Variants in PTPRD observed in about 807,000 individuals in gnomAD.
PTPRD encodes receptor-type tyrosine-protein phosphatase delta.
Under a neutral mutation model 214.5 loss-of-function variants are expected in PTPRD, and 34 were observed. That is an observed-to-expected ratio of 0.16 (90% CI 0.12 to 0.21). The LOEUF is 0.21. Ranked by LOEUF, PTPRD falls within the 10% of genes least tolerant of loss-of-function variation. The pLI is 1.00. For missense variants in PTPRD, 2,545 were observed against 2,398.7 expected (o/e 1.06, Z -1.27); for synonymous variants, 1,128 against 845.7 (o/e 1.33, Z -5.79).
At chr9:9,036,790 T>A (rs72692888) in intron 10 of PTPRD, among the ~76,000 whole-genome samples, 26,372 of 152,080 alleles carry the variant, frequency 0.17, 2,455 homozygotes, top group Admixed American at 0.23. Flanking sequence ...TCTCCCCTGA[T>A]ACATATATAT....
At chr9:10,518,741 C>T (rs1325252302) in intron 2 of PTPRD, among the ~76,000 whole-genome samples, 3 of 151,984 alleles carry the variant, frequency 2.0e-5, no homozygotes, top group Non-Finnish European at 2.9e-5. Flanking sequence ...ACCGTGTTAG[C>T]CAAGATGGTC....
At chr9:9,600,758 T>C (rs1292005322) in intron 7 of PTPRD, among the ~76,000 whole-genome samples, 2 of 152,172 alleles carry the variant, frequency 1.3e-5, no homozygotes, top group African/African-American at 2.4e-5. Flanking sequence ...CTTCCGATTT[T>C]ATTCACTGGA....
intron 43 of PTPRD, among the ~76,000 whole-genome samples, chr9:8,334,602 C>T (rs918405595): frequency 3.2e-5 from 4 of 124,586 alleles, no homozygotes; most frequent in East Asian, 2.1e-4. Context: ...GATCTAAAAT[C>T]GACACCCTAA....
chr9:9,990,810 G>A (rs1457879787), intron 4 of PTPRD, among the ~76,000 whole-genome samples: 1 of 152,102 alleles, frequency 6.6e-6, no homozygotes, highest in Non-Finnish European at 1.5e-5. Context: ...CATTAGAGAG[G>A]ATGTGCTCAC....
At chr9:9,316,209 T>C (rs1235325721) in intron 9 of PTPRD, among the ~76,000 whole-genome samples, 1 of 151,922 alleles carries the variant, frequency 6.6e-6, no homozygotes, top group East Asian at 1.9e-4. Context: ...AAAGCATGAT[T>C]CTCCACCCCT....
chr9:8,387,892 C>T (rs1039337), intron 37 of PTPRD, among the ~76,000 whole-genome samples: 25 of 151,986 alleles, frequency 1.6e-4, no homozygotes, highest in Non-Finnish European at 3.1e-4. Context: ...AAAGAAACTG[C>T]TTGATATATA....
intron 12 of PTPRD, among the ~76,000 whole-genome samples, chr9:8,663,997 T>C (rs2097122685): frequency 6.6e-6 from 1 of 152,144 alleles, no homozygotes; most frequent in Non-Finnish European, 1.5e-5. Flanking sequence ...TACAGATCTT[T>C]CCGGATGTCA....
chr9:9,431,196 C>A (rs550339223), intron 8 of PTPRD, among the ~76,000 whole-genome samples: 7 of 152,084 alleles, frequency 4.6e-5, no homozygotes, highest in African/African-American at 1.7e-4. Context: ...AGAACTTAAA[C>A]AAATTTACAA....
At chr9:8,495,661 T>G (rs975269381) in intron 26 of PTPRD, among the ~76,000 whole-genome samples, 1 of 152,230 alleles carries the variant, frequency 6.6e-6, no homozygotes, top group African/African-American at 2.4e-5. Flanking sequence ...CATGGTTCTA[T>G]AAAAATTTTA....
At chr9:10,504,935 G>C (rs916186093) in intron 2 of PTPRD, among the ~76,000 whole-genome samples, 2 of 152,262 alleles carry the variant, frequency 1.3e-5, no homozygotes, top group South Asian at 2.1e-4. Flanking sequence ...CTATAAAGCT[G>C]ACTTGTAACA....
At position 8,454,811 on chromosome 9, in the gene PTPRD, AGTGTGTGTGT is replaced by A. The variant is rs3043784; in HGVS notation, c.3876-4984_3876-4975del. On this transcript the variant is annotated intron_variant, in intron 33 of 45. Coordinates refer to ENST00000381196, the MANE Select transcript of PTPRD (RefSeq NM_002839.4). ...CATGAAGTTACATCACTGAATACAT[AGTGTGTGTGT>A]GTGTGTGTGTGTGTGTGTGTGTGTG... 2.7e-3 allele frequency among the ~76,000 whole-genome samples: 396 copies of A among 148,732 alleles called. 1 individual carries two copies. Among genetic ancestry groups the A allele is most frequent in the African/African-American group, 8.0e-3 (326 of 40,552 alleles).
At chr9:10,268,637 T>G (rs1175311067) in intron 3 of PTPRD, among the ~76,000 whole-genome samples, 2 of 152,160 alleles carry the variant, frequency 1.3e-5, no homozygotes, top group Non-Finnish European at 2.9e-5. Flanking sequence ...CTGAGTTCCA[T>G]TTGTACAAAA....
chr9:9,029,223 G>A (rs965309038), intron 10 of PTPRD, among the ~76,000 whole-genome samples: 2 of 151,544 alleles, frequency 1.3e-5, no homozygotes, highest in South Asian at 2.1e-4. Flanking sequence ...TTATATACAC[G>A]GTTCATATTT....
At chr9:8,480,936 G>A (rs184174681) in intron 30 of PTPRD, among the ~76,000 whole-genome samples, 19 of 152,076 alleles carry the variant, frequency 1.2e-4, no homozygotes, top group Non-Finnish European at 2.4e-4. Context: ...TCAGGAGATC[G>A]AGACCAACCT....
At chr9:9,285,729 T>C (rs1949131280) in intron 9 of PTPRD, among the ~76,000 whole-genome samples, 1 of 151,788 alleles carries the variant, frequency 6.6e-6, no homozygotes, top group African/African-American at 2.4e-5. Flanking sequence ...TACGGAGTAC[T>C]ACTAAATGTG....
intron 11 of PTPRD, among the ~76,000 whole-genome samples, chr9:8,878,614 A>G (rs1286115332): frequency 6.6e-6 from 1 of 152,078 alleles, no homozygotes; most frequent in Non-Finnish European, 1.5e-5. Flanking sequence ...CGTGGTCTCA[A>G]ACTTCCAGGC....
chr9:8,521,428 C>T lies in PTPRD; in HGVS notation c.810G>A (p.Met270Ile), dbSNP rs2138887411. 6.2e-7 allele frequency: 1 copy of T among 1,614,052 alleles called. No homozygotes were observed. Among genetic ancestry groups the T allele is most frequent in the Non-Finnish European group, 8.5e-7 (1 of 1,179,944 alleles). ...VGSPMPYVKW[M>I]LGAEDLTPED... ...CAGGTGTCAGATCTTCTGCCCCCAACATCCACTTTACATAAGGCATTGGTG... is the reference window on the plus strand; with the variant it reads ...CAGGTGTCAGATCTTCTGCCCCCAATATCCACTTTACATAAGGCATTGGTG... The change falls in exon 20 of 46, where the codon ATG becomes ATA. Residue 270 changes from methionine to isoleucine, a missense_variant. Physicochemically the swap from Met to Ile is conservative, Grantham distance 10 (BLOSUM62 1). Coordinates refer to ENST00000381196, the MANE Select transcript of PTPRD (RefSeq NM_002839.4).
At chr9:10,591,964 G>C (rs1399020949) in intron 2 of PTPRD, among the ~76,000 whole-genome samples, 1 of 152,108 alleles carries the variant, frequency 6.6e-6, no homozygotes, top group Non-Finnish European at 1.5e-5. Flanking sequence ...CCTTGTAAGA[G>C]ATTCTGAGCT....
chr9:8,536,391 A>G (rs956863865), intron 14 of PTPRD, among the ~76,000 whole-genome samples: 6 of 151,920 alleles, frequency 3.9e-5, no homozygotes, highest in Non-Finnish European at 8.8e-5. Context: ...TTAAAAATCC[A>G]CATATATATA....
Sources: allele counts gnomAD v4.1 joint callset (sites outside exome capture counted in the v4.1 genomes callset), GRCh38; gene constraint gnomAD v4.1.1; transcripts MANE v1.5; gene names NCBI Gene and HGNC (gene_info 2026-07-23, HGNC 2026-07-21).